The following ADAD2 variants were observed in gnomAD, a reference collection of about 807,000 sequenced individuals.
The protein encoded by ADAD2 is adenosine deaminase domain-containing protein 2.
In ADAD2, 60 loss-of-function variants were observed where a neutral mutation model predicts 54.5. The ratio of observed to expected loss-of-function variants is 1.10; its 90% CI spans 0.89 to 1.36. The LOEUF (loss-of-function observed/expected upper bound fraction) is 1.36. ADAD2 is among the 40% of genes most tolerant of loss of function. ADAD2 has a pLI of 0.00. For missense variants in ADAD2, 1,103 were observed against 801.3 expected (o/e 1.38, Z -4.54); for synonymous variants, 543 against 366.2 (o/e 1.48, Z -5.51).
Position 84,195,010 on chromosome 16 carries a change from T to C in ADAD2, c.607+30T>C, listed in dbSNP as rs772088801. ...GTGAGCATTCCCGGACCCAGGCTTG[T>C]AGTGTCGAGGGGAGAGGCGTGGGCC... On this transcript the variant is annotated intron_variant, in intron 3 of 9. Coordinates refer to ENST00000315906, the MANE Select transcript of ADAD2 (RefSeq NM_001145400.2). 4.3e-6 allele frequency: 7 copies of C among 1,611,822 alleles called. No individual in the cohort carries two copies. In the South Asian group the frequency reaches 6.6e-5, roughly 15 times the overall value.
chr16:84,195,904 A>T lies in ADAD2; in HGVS notation c.1142A>T (p.Tyr381Phe), dbSNP rs1222151607. The T allele has an allele frequency of 8.1e-6, 13 of 1,601,602 alleles. No homozygotes were observed. Among genetic ancestry groups the T allele is most frequent in the Non-Finnish European group, 1.1e-5 (13 of 1,179,612 alleles). ...CTCGGGCAGCTGAAGCCTGTGTGCT[A>T]CGTGGCGCCCTCGCTCTGTGACACC... ...HVLGQLKPVC[Y>F]VAPSLCDTHV... The change falls in exon 7 of 10, where the codon TAC becomes TTC. Residue 381 changes from tyrosine to phenylalanine, a missense_variant. By Grantham distance (22) the Tyr-to-Phe change is conservative. Coordinates refer to ENST00000315906, the MANE Select transcript of ADAD2 (RefSeq NM_001145400.2).
At chr16:84,195,764 G>C (rs1056004499) in intron 6 of ADAD2, 51 bp from the exon 7 acceptor site, 1 of 1,543,038 alleles carries the variant, frequency 6.5e-7, no homozygotes, top group Non-Finnish European at 8.7e-7. Context: ...GTGGGGGCCA[G>C]GGTCAGAAGA....
intron 1 of ADAD2, chr16:84,191,997 C>G (rs370809515): frequency 2.4e-6 from 1 of 421,664 alleles, no homozygotes; most frequent in Non-Finnish European, 4.4e-6. Context: ...TTGGAGATAC[C>G]GAAATGGGAG....
At position 84,194,954 on chromosome 16, in the gene ADAD2, G is replaced by C. The variant is rs774543669; in HGVS notation, c.581G>C (p.Arg194Pro). Residue 194 changes from arginine (R) to proline (P), a missense_variant, in exon 3 of 10, where the codon CGG (arginine) becomes CCG (proline). Physicochemically the swap from Arg to Pro is moderately radical, Grantham distance 103 (BLOSUM62 -2). Transcript: ENST00000315906. The stretch of plus-strand genomic sequence containing the variant: ...TCAGAGTCCCCCCAGACCTCCAGCC[G>C]GCCTCCACTGGCCCCCCTGAGCGTA... Reference protein sequence around the residue: ...ENPESPQTSSRPPLAPLSVEN... With the variant: ...ENPESPQTSSPPPLAPLSVEN... 1.2e-6 allele frequency: 2 copies of C among 1,612,168 alleles called. No homozygotes were observed. The highest frequency in any genetic ancestry group is 8.5e-7 in the Non-Finnish European group (1 of 1,179,332).
chr16:84,191,358 G>T lies in ADAD2; in HGVS notation c.128G>T (p.Trp43Leu). 7.1e-6 allele frequency: 11 copies of T among 1,556,660 alleles called. No homozygotes were observed. The highest frequency in any genetic ancestry group is 1.2e-5 in the South Asian group (1 of 86,622). ...CTACCCGCCCAGGCCCAAAGTGCCT[G>T]GGGGCCCGCGCCCGCGCCCGCGACG... ...RPLPAQAQSA[W>L]GPAPAPATYR... The change falls in exon 1 of 10, where the codon TGG becomes TTG. Residue 43 changes from tryptophan (W) to leucine (L), a missense_variant. Trp to Leu is a moderately conservative substitution (Grantham distance 61). Coordinates refer to ENST00000315906, the MANE Select transcript of ADAD2 (RefSeq NM_001145400.2).
At chr16:84,191,671 C>T in intron 1 of ADAD2, 23 bp downstream of exon 1, 4 of 1,551,686 alleles carry the variant, frequency 2.6e-6, no homozygotes, top group Non-Finnish European at 3.5e-6. Context: ...CGGGGCATGG[C>T]TGTGCCAGAG....
At position 84,195,050 on chromosome 16, in the gene ADAD2, G is replaced by C. The variant is rs1289538646; in HGVS notation, c.608-19G>C. 13 of 1,612,768 alleles carry C rather than the reference G, an allele frequency of 8.1e-6. No homozygotes were observed. Among genetic ancestry groups the C allele is most frequent in the African/African-American group, 5.3e-5 (4 of 75,060 alleles). On this transcript the variant is annotated intron_variant, in intron 3 of 9. Coordinates refer to ENST00000315906, the MANE Select transcript of ADAD2 (RefSeq NM_001145400.2). ...AGGCGTGGGCCCCCTTCTACCTGCA[G>C]TCTCTCGCCCTGGCGCAGAGAACAT...
intron 1 of ADAD2, chr16:84,193,907 T>C: frequency 7.9e-7 from 1 of 1,270,176 alleles, no homozygotes. Context: ...GCAAGTACTG[T>C]GAAATTAACC....
chr16:84,196,596 C>T, intron 8 of ADAD2, 51 bp from the exon 9 acceptor site: 2 of 1,596,606 alleles, frequency 1.3e-6, no homozygotes, highest in Non-Finnish European at 1.7e-6. Flanking sequence ...AGCAGGCCTG[C>T]TGGTCCAGCT....
In ADAD2 at chr16:84,195,457, G is replaced by A. The variant is rs140974080; in HGVS notation, c.884+11G>A. ...CAGGGCCCTGCTGAGGTGAGGGGCA[G>A]TGGGGTGGGCGCCTGATAGCAGCCT... On this transcript the variant is annotated intron_variant, in intron 5 of 9. Transcript: ENST00000315906. 1 of 1,607,788 alleles carries A rather than the reference G, an allele frequency of 6.2e-7. No individual in the cohort carries two copies. Among genetic ancestry groups the A allele is most frequent in the Non-Finnish European group, 8.5e-7 (1 of 1,177,462 alleles).
rs374432685 is a variant in ADAD2 at position 84,196,050 on chromosome 16, C to G, written c.1282+6C>G. On this transcript the variant is annotated splice_donor_region_variant and intron_variant, in intron 7 of 9. Coordinates refer to ENST00000315906, the MANE Select transcript of ADAD2 (RefSeq NM_001145400.2). ...CAGCACCAGCCTCATCCTGGGTGAGCACGTGGTGAGGGCTGGGGGGGTGAG... is the reference window on the plus strand; with the variant it reads ...CAGCACCAGCCTCATCCTGGGTGAGGACGTGGTGAGGGCTGGGGGGGTGAG... 1 of 1,599,324 alleles carries G rather than the reference C, an allele frequency of 6.3e-7. No homozygotes were observed. Among genetic ancestry groups the G allele is most frequent in the South Asian group, 1.1e-5 (1 of 91,074 alleles).
chr16:84,195,764 G>A (rs1056004499), intron 6 of ADAD2, 51 bp from the exon 7 acceptor site: 11 of 1,542,920 alleles, frequency 7.1e-6, no homozygotes, highest in East Asian at 2.3e-5. Context: ...GTGGGGGCCA[G>A]GGTCAGAAGA....
In ADAD2 at chr16:84,191,308, C is replaced by G; in HGVS notation, c.78C>G (p.Ser26Arg). 6.3e-7 allele frequency: 1 copy of G among 1,592,522 alleles called. No individual in the cohort carries two copies. Among genetic ancestry groups the G allele is most frequent in the Non-Finnish European group, 8.6e-7 (1 of 1,168,784 alleles). Residue 26 changes from serine to arginine, a missense_variant, in exon 1 of 10, where the codon AGC becomes AGG. By Grantham distance (110) the Ser-to-Arg change is moderately radical (BLOSUM62 -1). Coordinates refer to ENST00000315906, the MANE Select transcript of ADAD2 (RefSeq NM_001145400.2). ...GCCTGGCTGCATCGTTGCAGATCAG[C>G]CCCCAGCCCCGCCCCTGGCGACCGC... is the stretch of plus-strand genomic sequence containing the variant. ...KPRLAASLQI[S>R]PQPRPWRPLP...
Position 84,196,729 on chromosome 16 carries a change from C to CCCTACCTCCTGGCCTTGAAGA in ADAD2, c.1615_1635dup (p.Leu539_Tyr545dup), listed in dbSNP as rs2089736205. On this transcript the variant is annotated inframe_insertion, in exon 9 of 10. Transcript: ENST00000315906. ...CCAGGCGGCCAGGGCTGTGGGGAAG[C>CCCTACCTCCTGGCCTTGAAGA]CCTACCTCCTGGCCTTGAAGACCTA... is the stretch of plus-strand genomic sequence containing the variant. 6.2e-7 allele frequency: 1 copy of CCCTACCTCCTGGCCTTGAAGA among 1,612,864 alleles called. No individual in the cohort carries two copies. The highest frequency in any genetic ancestry group is 8.5e-7 in the Non-Finnish European group (1 of 1,179,922).
At chr16:84,194,627 G>C in intron 2 of ADAD2, 45 bp downstream of exon 2, 1 of 1,575,530 alleles carries the variant, frequency 6.3e-7, no homozygotes, top group Non-Finnish European at 8.6e-7. Flanking sequence ...CTGGGGACAA[G>C]AGGACTGAGG....
intron 1 of ADAD2, chr16:84,191,900 C>A: frequency 1.6e-6 from 1 of 619,148 alleles, no homozygotes; most frequent in Non-Finnish European, 2.9e-6. Flanking sequence ...TTCTTCCCAC[C>A]TGACTTCCAG....
Position 84,195,380 on chromosome 16 carries a change from T to A in ADAD2, c.818T>A (p.Leu273Gln). The A allele has an allele frequency of 6.2e-7, 1 of 1,609,124 alleles. No homozygotes were observed. Among genetic ancestry groups the A allele is most frequent in the Non-Finnish European group, 8.5e-7 (1 of 1,179,438 alleles). ...GTGSSCCAGWLEFSGQQLHDC... is the reference protein window; with the variant it reads ...GTGSSCCAGWQEFSGQQLHDC... ...GGCAGCAGCTGCTGTGCTGGCTGGC[T>A]GGAGTTCTCGGGCCAGCAGCTCCAC... is the stretch of plus-strand genomic sequence containing the variant. The change falls in exon 5 of 10, where the codon CTG becomes CAG. Residue 273 changes from leucine (L) to glutamine (Q), a missense_variant. Leu to Gln is a moderately radical substitution (Grantham distance 113). Coordinates refer to ENST00000315906, the MANE Select transcript of ADAD2 (RefSeq NM_001145400.2).
rs948144171 is a variant in ADAD2, at chr16:84,197,064, G to T, written c.*90G>T. 2 of 1,306,930 alleles carry T rather than the reference G, an allele frequency of 1.5e-6. No individual in the cohort carries two copies. The highest frequency in any genetic ancestry group is 2.7e-5 in the South Asian group (2 of 75,040). The allele number at this position is 1,306,930 out of a possible 1,614,324, so 81.0% of individuals were successfully genotyped here. On this transcript the variant is annotated 3_prime_UTR_variant, in exon 10 of 10. Transcript: ENST00000315906. The stretch of plus-strand genomic sequence containing the variant: ...CTGAGGAGCGTTGTGGGGAGAACAT[G>T]GGTTGTGCGGGGTGAAACTGGGGCT...
chr16:84,196,070 G>T (rs747402808), intron 7 of ADAD2, 26 bp downstream of exon 7: 3 of 1,599,190 alleles, frequency 1.9e-6, no homozygotes, highest in Non-Finnish European at 2.5e-6. Context: ...GGGCTGGGGG[G>T]GTGAGAAGGG....
Sources: allele counts gnomAD v4.1 joint callset, GRCh38; gene constraint gnomAD v4.1.1; transcripts MANE v1.5; gene names NCBI Gene and HGNC (gene_info 2026-07-23, HGNC 2026-07-21).